EHBP1: variants seen among roughly 807,000 people sequenced by gnomAD.
EHBP1 encodes EH domain binding protein 1.
In EHBP1, 55 loss-of-function variants were observed where a neutral mutation model predicts 144.0. The observed-to-expected ratio is 0.38, with a 90% CI of 0.31 to 0.48. The LOEUF (loss-of-function observed/expected upper bound fraction) is 0.48, where lower values mean the gene tolerates loss of function less well. Among genes scored for constraint, EHBP1 ranks in the 20% least tolerant of loss-of-function variants. The pLI, the probability that EHBP1 is intolerant of heterozygous loss-of-function variation, is 0.98. For missense variants in EHBP1, 1,200 were observed against 1,364.2 expected (o/e 0.88, Z 1.90); for synonymous variants, 469 against 472.7 (o/e 0.99, Z 0.10).
chr2:62,824,636 G>C (rs949554739), intron 5 of EHBP1, among the ~76,000 whole-genome samples: 6 of 151,930 alleles, frequency 3.9e-5, no homozygotes, highest in African/African-American at 1.4e-4. Context: ...TCAAGTGCTT[G>C]ATGCATTTTT....
intron 5 of EHBP1, among the ~76,000 whole-genome samples, chr2:62,824,907 G>T (rs114469575): frequency 0.029 from 4,353 of 151,830 alleles, 200 homozygotes; most frequent in African/African-American, 0.098. Context: ...TAGTTCAAAG[G>T]TATTAATGGT....
intron 8 of EHBP1, among the ~76,000 whole-genome samples, chr2:62,860,987 T>C (rs1446018550): frequency 6.6e-6 from 1 of 151,824 alleles, no homozygotes; most frequent in Non-Finnish European, 1.5e-5. Context: ...AGAAATAATT[T>C]ATCTTTATTG....
At chr2:62,938,610 T>C (rs922664830) in intron 10 of EHBP1, among the ~76,000 whole-genome samples, 2 of 152,214 alleles carry the variant, frequency 1.3e-5, no homozygotes, top group Admixed American at 6.5e-5. Flanking sequence ...TATTTGCAAG[T>C]GTAGTTTTAC....
intron 4 of EHBP1, among the ~76,000 whole-genome samples, chr2:62,766,940 T>A (rs942681699): frequency 6.7e-6 from 1 of 148,448 alleles, no homozygotes; most frequent in East Asian, 2.0e-4. Flanking sequence ...AATAAATGCT[T>A]GCAAAAGTGT....
Position 62,948,926 on chromosome 2 carries a change from G to A in EHBP1, c.2080G>A (p.Gly694Ser), listed in dbSNP as rs1244788136. The change falls in exon 13 of 23, where the codon GGT (glycine) becomes AGT (serine). Residue 694 changes from glycine to serine, a missense_variant. Physicochemically the swap from Gly to Ser is moderately conservative, Grantham distance 56 (BLOSUM62 0). Around this residue, in one of 6 missense-constraint regions of EHBP1, gnomAD observed 543 missense variants for 513.1 expected, o/e 1.06. Coordinates refer to ENST00000431489, the MANE Select transcript of EHBP1 (RefSeq NM_001142616.3). ...ACAAAAGCTTCAAACTCTAGACATC[G>A]GTAGTAACTTGGAGAAAGAAAAATT... is the stretch of plus-strand genomic sequence containing the variant. ...DEQKLQTLDI[G>S]SNLEKEKLEN... is the part of the protein sequence containing the mutation. The A allele has an allele frequency of 5.0e-6, 8 of 1,613,990 alleles. No individual in the cohort carries two copies. Among genetic ancestry groups the A allele is most frequent in the Middle Eastern group, 1.6e-4 (1 of 6,062 alleles).
intron 15 of EHBP1, 115 bp from the exon 16 acceptor site, chr2:62,990,601 C>T: frequency 1.8e-6 from 2 of 1,114,526 alleles, no homozygotes; most frequent in Non-Finnish European, 2.6e-6. Context: ...TACTAATATC[C>T]TTTTCTTCTT....
intron 5 of EHBP1, among the ~76,000 whole-genome samples, chr2:62,820,650 T>G (rs1379949153): frequency 6.7e-6 from 1 of 149,524 alleles, no homozygotes; most frequent in Non-Finnish European, 1.5e-5. Context: ...GTCATCAAGG[T>G]TCATCTATAT....
chr2:62,696,154 C>T (rs2034079498), intron 1 of EHBP1, among the ~76,000 whole-genome samples: 1 of 133,664 alleles, frequency 7.5e-6, no homozygotes, highest in Non-Finnish European at 1.6e-5. Flanking sequence ...CTCTCTCTCT[C>T]TCTCTCTCTC....
chr2:62,821,065 G>C (rs1029405097), intron 5 of EHBP1, among the ~76,000 whole-genome samples: 6 of 151,688 alleles, frequency 4.0e-5, no homozygotes, highest in Admixed American at 3.9e-4. Context: ...TTAGTGTCTT[G>C]TAAGAGACCT....
At chr2:62,777,231 A>G (rs960066064) in intron 5 of EHBP1, among the ~76,000 whole-genome samples, 7 of 152,292 alleles carry the variant, frequency 4.6e-5, no homozygotes, top group African/African-American at 1.4e-4. Flanking sequence ...TCGGCCTCCC[A>G]GAGTGTTGAG....
Position 62,700,447 on chromosome 2 carries a change from G to T in EHBP1, c.-295-6450G>T, listed in dbSNP as rs546936844. Among the ~76,000 whole-genome samples, 27 of 152,116 alleles carry T rather than the reference G, an allele frequency of 1.8e-4. No individual in the cohort carries two copies. The South Asian group carries it at 4.8e-3, about 27-fold the overall frequency. On this transcript the variant is annotated intron_variant, in intron 1 of 22. Coordinates refer to the EHBP1 transcript ENST00000405015. Reference sequence around the variant, plus strand: ...TCACTATGTTGGGGGAAGGGGATGGGGCATTTAATCCTTGCTTCTCATCTA... The same window carrying T: ...TCACTATGTTGGGGGAAGGGGATGGTGCATTTAATCCTTGCTTCTCATCTA...
intron 3 of EHBP1, among the ~76,000 whole-genome samples, chr2:62,755,237 A>G (rs2040167683): frequency 6.6e-6 from 1 of 152,118 alleles, no homozygotes; most frequent in South Asian, 2.1e-4. Flanking sequence ...CTTGTTCTTG[A>G]GTTTCATGTA....
chr2:62,927,222 A>G (rs941022541), intron 10 of EHBP1, among the ~76,000 whole-genome samples: 2 of 152,136 alleles, frequency 1.3e-5, no homozygotes, highest in African/African-American at 4.8e-5. Flanking sequence ...GGAGAGGAGC[A>G]TATGGAGAGA....
At chr2:62,858,587 C>A in intron 7 of EHBP1, 1 of 892,440 alleles carries the variant, frequency 1.1e-6, no homozygotes, top group South Asian at 1.6e-5. Flanking sequence ...TGACTTCTGT[C>A]TGTATTTATC....
intron 1 of EHBP1, among the ~76,000 whole-genome samples, chr2:62,692,659 G>C (rs559793736): frequency 6.6e-6 from 1 of 151,828 alleles, no homozygotes; most frequent in African/African-American, 2.4e-5. Context: ...AGTGCTTGTT[G>C]GTCATTTATA....
Position 62,826,217 on chromosome 2 carries a change from C to T in EHBP1, c.443C>T (p.Ala148Val), listed in dbSNP as rs1446779617. ...CCATTATCTAAAAAAGTTGTATCTG[C>T]CGCTCTTCAGTTTTCATTATCTTGC... ...FKPLSKKVVS[A>V]ALQFSLSCIF... The change falls in exon 6 of 23, where the codon GCC becomes GTC. Residue 148 changes from alanine to valine, a missense_variant. Ala to Val is a moderately conservative substitution (Grantham distance 64, BLOSUM62 0). Transcript: ENST00000431489. 6.2e-7 allele frequency: 1 copy of T among 1,608,022 alleles called. No individual in the cohort carries two copies. The highest frequency in any genetic ancestry group is 1.7e-5 in the Admixed American group (1 of 58,664).
At chr2:63,000,173 G>T (rs1166015663) in intron 19 of EHBP1, among the ~76,000 whole-genome samples, 3 of 152,118 alleles carry the variant, frequency 2.0e-5, no homozygotes, top group African/African-American at 7.2e-5. Flanking sequence ...GAAGGCCTTA[G>T]CAAGAAAGTA....
chr2:62,821,265 G>A (rs1049273694), intron 5 of EHBP1, among the ~76,000 whole-genome samples: 3 of 152,060 alleles, frequency 2.0e-5, no homozygotes, highest in African/African-American at 7.2e-5. Flanking sequence ...TATTTTAATA[G>A]GAGAGGCATT....
chr2:62,761,128 A>T (rs2040735353), intron 3 of EHBP1, among the ~76,000 whole-genome samples: 1 of 152,066 alleles, frequency 6.6e-6, no homozygotes, highest in South Asian at 2.1e-4. Context: ...GAGTATTAAG[A>T]GTGGAGTTTT....
Sources: allele counts gnomAD v4.1 joint callset (sites outside exome capture counted in the v4.1 genomes callset), GRCh38; gene constraint gnomAD v4.1.1; regional missense constraint gnomAD v4.1.1; transcripts MANE v1.5; gene names NCBI Gene and HGNC (gene_info 2026-07-23, HGNC 2026-07-21).